TTC28: variants seen among roughly 807,000 people sequenced by gnomAD.
The protein encoded by TTC28 is tetratricopeptide repeat protein 28.
TTC28 carries 61 observed loss-of-function variants against 198.0 expected under a neutral mutation model. The ratio of observed to expected loss-of-function variants is 0.31; its 90% confidence interval spans 0.25 to 0.38. The LOEUF (loss-of-function observed/expected upper bound fraction) is 0.38. Among genes scored for constraint, TTC28 ranks in the 10% least tolerant of loss-of-function variants. The pLI, the probability that TTC28 is intolerant of heterozygous loss-of-function variation, is 1.00. For missense variants in TTC28, 2,678 were observed against 3,164.0 expected (o/e 0.85, Z 3.69); for synonymous variants, 1,171 against 1,297.8 (o/e 0.90, Z 2.10).
intron 12 of TTC28, among the ~76,000 whole-genome samples, chr22:28,031,871 C>T (rs1478200509): frequency 1.3e-5 from 2 of 151,976 alleles, no homozygotes; most frequent in African/African-American, 4.8e-5. Flanking sequence ...TGTGAGTGGG[C>T]CTCATCTGCT....
At chr22:28,380,041 T>C (rs948385720) in intron 2 of TTC28, among the ~76,000 whole-genome samples, 3 of 125,974 alleles carry the variant, frequency 2.4e-5, no homozygotes, top group East Asian at 1.9e-4. Context: ...AATTACACTA[T>C]GCTTCTTCAA....
chr22:28,191,225 G>T (rs569362742), intron 5 of TTC28, among the ~76,000 whole-genome samples: 2 of 152,148 alleles, frequency 1.3e-5, no homozygotes, highest in African/African-American at 4.8e-5. Flanking sequence ...TATGCTAAAG[G>T]TGCCTTCAAA....
chr22:28,675,717 C>T (rs933478716), intron 1 of TTC28, among the ~76,000 whole-genome samples: 11 of 141,874 alleles, frequency 7.8e-5, no homozygotes, highest in African/African-American at 2.4e-4. Context: ...CCAGCCTGGG[C>T]GACAGAGTGA....
chr22:28,137,303 G>A (rs1361087116), intron 6 of TTC28, among the ~76,000 whole-genome samples: 1 of 152,128 alleles, frequency 6.6e-6, no homozygotes, highest in Non-Finnish European at 1.5e-5. Flanking sequence ...GTTGTCTCAA[G>A]CTAACTTCTA....
chr22:28,118,996 G>A (rs982919830), intron 6 of TTC28, among the ~76,000 whole-genome samples: 1 of 152,188 alleles, frequency 6.6e-6, no homozygotes, highest in Non-Finnish European at 1.5e-5. Flanking sequence ...GGTAATTGGT[G>A]TGTCCCCTGA....
chr22:28,257,569 TAGAG>T (rs1931017250), intron 5 of TTC28, among the ~76,000 whole-genome samples: 2 of 150,516 alleles, frequency 1.3e-5, no homozygotes, highest in Non-Finnish European at 3.0e-5. Context: ...CCCATGAAAA[TAGAG>T]AGTAGGTTGG....
chr22:28,350,791 T>C (rs1412737667), intron 2 of TTC28, among the ~76,000 whole-genome samples: 1 of 152,248 alleles, frequency 6.6e-6, no homozygotes, highest in Non-Finnish European at 1.5e-5. Context: ...CCCCCTTGCC[T>C]GACTTTAGAT....
chr22:28,382,575 A>G (rs1349903664), intron 2 of TTC28, among the ~76,000 whole-genome samples: 1 of 152,218 alleles, frequency 6.6e-6, no homozygotes, highest in Non-Finnish European at 1.5e-5. Context: ...ATGAACAGAA[A>G]AGCTAAAATG....
At chr22:28,224,365 T>C (rs1238398810) in intron 5 of TTC28, among the ~76,000 whole-genome samples, 1 of 152,150 alleles carries the variant, frequency 6.6e-6, no homozygotes, top group Non-Finnish European at 1.5e-5. Context: ...TAGTATGCAA[T>C]GTGCCTGTCT....
At chr22:27,988,245 G>C (rs1460963526) in intron 21 of TTC28, among the ~76,000 whole-genome samples, 4 of 150,782 alleles carry the variant, frequency 2.7e-5, no homozygotes, top group Non-Finnish European at 4.4e-5. Flanking sequence ...CCACAAAACA[G>C]GTTAGACAGT....
At chr22:28,324,616 A>G (rs555907524) in intron 2 of TTC28, among the ~76,000 whole-genome samples, 6 of 152,338 alleles carry the variant, frequency 3.9e-5, no homozygotes, top group African/African-American at 1.2e-4. Context: ...AATCCACTAC[A>G]TAACAGAACA....
At chr22:28,328,756 AAATAATAATAATAATAATAATAAT>A (rs199948599) in intron 2 of TTC28, among the ~76,000 whole-genome samples, 18 of 134,408 alleles carry the variant, frequency 1.3e-4, no homozygotes, top group African/African-American at 4.4e-4. Flanking sequence ...TCTGTCTCAA[AAATAATAATAATAATAATAATAAT>A]AATAATAATA....
intron 12 of TTC28, among the ~76,000 whole-genome samples, chr22:28,041,491 C>A (rs1316804098): frequency 1.3e-5 from 2 of 152,104 alleles, no homozygotes; most frequent in Non-Finnish European, 2.9e-5. Context: ...GAAAGGATTC[C>A]CTATTTAATA....
chr22:28,653,614 T>C (rs2051598096), intron 1 of TTC28, among the ~76,000 whole-genome samples: 1 of 152,128 alleles, frequency 6.6e-6, no homozygotes, highest in African/African-American at 2.4e-5. Context: ...TATCACAAAC[T>C]TTCTTATCTC....
intron 5 of TTC28, among the ~76,000 whole-genome samples, chr22:28,244,757 T>C (rs1371640730): frequency 6.6e-6 from 1 of 152,220 alleles, no homozygotes; most frequent in Non-Finnish European, 1.5e-5. Context: ...CTTGCTCATG[T>C]TCATTTATGG....
rs546065702 is a variant in TTC28 at position 28,599,641 on chromosome 22, C to G, written c.381+29911G>C. Among the ~76,000 whole-genome samples, 7 of 152,114 alleles carry G rather than the reference C, an allele frequency of 4.6e-5. No homozygotes were observed. The South Asian group carries it at 1.0e-3, about 23-fold the overall frequency. ...CCCATCTCTACTAAAAATAATTTTTCTAAAAAAAGTAACTTAGTCCATGAG... is the reference window on the plus strand; with the variant it reads ...CCCATCTCTACTAAAAATAATTTTTGTAAAAAAAGTAACTTAGTCCATGAG... On this transcript the variant is annotated intron_variant, in intron 2 of 22. Transcript: ENST00000397906.
chr22:28,392,124 G>A (rs564054468), intron 2 of TTC28, among the ~76,000 whole-genome samples: 2 of 152,316 alleles, frequency 1.3e-5, no homozygotes, highest in Admixed American at 6.5e-5. Context: ...GTCTGCCCCT[G>A]GTGGGGGATG....
intron 2 of TTC28, among the ~76,000 whole-genome samples, chr22:28,429,882 T>C (rs1430931266): frequency 6.6e-6 from 1 of 152,160 alleles, no homozygotes; most frequent in Admixed American, 6.5e-5. Context: ...GACAGGAGAA[T>C]GCTCCAAGTA....
intron 2 of TTC28, among the ~76,000 whole-genome samples, chr22:28,544,327 A>G (rs2049489760): frequency 6.6e-6 from 1 of 152,230 alleles, no homozygotes; most frequent in African/African-American, 2.4e-5. Context: ...AACAATCAGA[A>G]TAATAAATAA....
Sources: gnomAD v4.1 joint callset for allele counts (sites outside exome capture counted in the v4.1 genomes callset) on GRCh38, gnomAD v4.1.1 for gene constraint, MANE v1.5 for transcripts, NCBI Gene and HGNC (gene_info 2026-07-23, HGNC 2026-07-21) for gene names.